Variants in HPSE2 observed in about 807,000 individuals in gnomAD.
HPSE2 encodes the protein inactive heparanase-2.
Under a neutral mutation model 60.5 loss-of-function variants are expected in HPSE2, and 38 were observed. The observed-to-expected ratio is 0.63, with a 90% confidence interval of 0.48 to 0.82. HPSE2 has a LOEUF of 0.82. Ranked by LOEUF, HPSE2 falls within the 40% of genes least tolerant of loss-of-function variation. The probability of loss-of-function intolerance (pLI) is 0.00; values close to 1 mark genes in which losing one functional copy is unlikely to be tolerated. For synonymous variants in HPSE2, 295 were observed against 293.2 expected (o/e 1.01, Z -0.06); for missense variants, 713 against 740.4 (o/e 0.96, Z 0.43).
At chr10:98,902,996 A>T (rs1953708424) in intron 3 of HPSE2, among the ~76,000 whole-genome samples, 2 of 152,176 alleles carry the variant, frequency 1.3e-5, no homozygotes, top group South Asian at 4.1e-4. Flanking sequence ...AGTATTATTC[A>T]TAATAGCTAA....
intron 2 of HPSE2, among the ~76,000 whole-genome samples, chr10:99,153,247 A>G (rs1846361767): frequency 6.6e-6 from 1 of 152,154 alleles, no homozygotes; most frequent in South Asian, 2.1e-4. Flanking sequence ...GGTGGAGCCC[A>G]CCACAGCTCA....
intron 2 of HPSE2, among the ~76,000 whole-genome samples, chr10:99,178,186 C>T (rs1589779917): frequency 6.6e-6 from 1 of 151,660 alleles, no homozygotes; most frequent in African/African-American, 2.4e-5. Flanking sequence ...AAAATCAACA[C>T]TGTAACATCA....
At chr10:98,813,717 T>C (rs549125374) in intron 3 of HPSE2, among the ~76,000 whole-genome samples, 2 of 152,336 alleles carry the variant, frequency 1.3e-5, no homozygotes, top group South Asian at 2.1e-4. Context: ...TTTTCCAGTA[T>C]GACAGTTCCC....
At chr10:99,042,836 A>G (rs927442533) in intron 3 of HPSE2, among the ~76,000 whole-genome samples, 1 of 152,178 alleles carries the variant, frequency 6.6e-6, no homozygotes, top group Non-Finnish European at 1.5e-5. Flanking sequence ...ACACTGCAAT[A>G]CAGAGCAGGG....
In HPSE2 at chr10:98,797,453, A is replaced by C. The variant is rs570372182; in HGVS notation, c.611-53397T>G. On this transcript the variant is annotated intron_variant, in intron 3 of 11. Transcript: ENST00000370552. ...ACAGTCAGAGGATACAAAAGAAAGA[A>C]AAGAATAAAACAGAATGAAGCATGC... 3.9e-5 allele frequency among the ~76,000 whole-genome samples: 6 copies of C among 152,294 alleles called. No individual in the cohort carries two copies. The East Asian group carries it at 1.2e-3, about 29-fold the overall frequency.
the HPSE2 span, among the ~76,000 whole-genome samples, chr10:99,277,578 T>C: frequency 6.6e-6 from 1 of 152,152 alleles, no homozygotes; most frequent in South Asian, 2.1e-4. Flanking sequence ...TGAGGGAACT[T>C]AAGATCCCCT....
chr10:98,767,846 T>A (rs1017648996), intron 3 of HPSE2, among the ~76,000 whole-genome samples: 3 of 146,626 alleles, frequency 2.0e-5, no homozygotes, highest in Non-Finnish European at 3.0e-5. Flanking sequence ...TAAACATTTA[T>A]ATCCTTGAAA....
intron 3 of HPSE2, among the ~76,000 whole-genome samples, chr10:98,823,638 A>G (rs1951474566): frequency 1.3e-5 from 2 of 152,270 alleles, no homozygotes; most frequent in South Asian, 4.1e-4. Flanking sequence ...AAAATAAATA[A>G]ATAGATAGAT....
intron 3 of HPSE2, among the ~76,000 whole-genome samples, chr10:98,774,443 C>G (rs1448688165): frequency 1.3e-5 from 2 of 152,172 alleles, no homozygotes; most frequent in Non-Finnish European, 2.9e-5. Context: ...CTTTCTCTCT[C>G]TTGCTTCTTG....
intron 3 of HPSE2, among the ~76,000 whole-genome samples, chr10:99,011,722 C>CTCCA (rs1417432902): frequency 6.9e-6 from 1 of 144,226 alleles, no homozygotes; most frequent in East Asian, 2.0e-4. Flanking sequence ...TGCCACTGCA[C>CTCCA]TCCAGCCTGG....
intron 3 of HPSE2, among the ~76,000 whole-genome samples, chr10:99,118,431 G>A (rs548816741): frequency 1.3e-5 from 2 of 149,468 alleles, no homozygotes; most frequent in South Asian, 2.2e-4. Flanking sequence ...GCTGAGGCAG[G>A]AGAATGGCAT....
At chr10:98,999,897 C>T (rs982867391) in intron 3 of HPSE2, among the ~76,000 whole-genome samples, 6 of 152,006 alleles carry the variant, frequency 3.9e-5, no homozygotes, top group Admixed American at 6.6e-5. Context: ...TTTTTGAATT[C>T]GCTTTTAAGA....
chr10:98,554,708 C>T (rs1405905582), intron 9 of HPSE2, among the ~76,000 whole-genome samples: 1 of 152,158 alleles, frequency 6.6e-6, no homozygotes. Context: ...ATTTTGAATT[C>T]TCTAAAATTA....
chr10:99,214,603 T>C (rs1479720347), intron 2 of HPSE2, among the ~76,000 whole-genome samples: 2 of 152,002 alleles, frequency 1.3e-5, no homozygotes, highest in Non-Finnish European at 2.9e-5. Context: ...GGGATCTAAT[T>C]AAGCTAAAGA....
intron 4 of HPSE2, among the ~76,000 whole-genome samples, chr10:98,729,309 T>A (rs1183917324): frequency 2.0e-5 from 3 of 152,090 alleles, no homozygotes; most frequent in East Asian, 1.9e-4. Context: ...AATTTTTTTT[T>A]AAAAGGTAGA....
intron 3 of HPSE2, among the ~76,000 whole-genome samples, chr10:98,868,731 T>A (rs1409614253): frequency 6.6e-6 from 1 of 152,192 alleles, no homozygotes; most frequent in African/African-American, 2.4e-5. Flanking sequence ...ACATTTAGCA[T>A]GATAATTCTC....
At chr10:99,034,570 T>C (rs527751550) in intron 3 of HPSE2, among the ~76,000 whole-genome samples, 7 of 152,286 alleles carry the variant, frequency 4.6e-5, no homozygotes, top group Non-Finnish European at 1.0e-4. Context: ...TATTACATGA[T>C]ACGTGTACAC....
intron 4 of HPSE2, among the ~76,000 whole-genome samples, chr10:98,730,595 A>G (rs1379648273): frequency 6.6e-6 from 1 of 152,152 alleles, no homozygotes; most frequent in African/African-American, 2.4e-5. Context: ...GAAAAAAGAG[A>G]GAGAGAAGTC....
At chr10:98,833,682 C>T (rs1951731918) in intron 3 of HPSE2, among the ~76,000 whole-genome samples, 1 of 152,156 alleles carries the variant, frequency 6.6e-6, no homozygotes, top group Non-Finnish European at 1.5e-5. Context: ...CTATGTTCGT[C>T]ACATCACCTT....
Sources: gnomAD v4.1 joint callset for allele counts (sites outside exome capture counted in the v4.1 genomes callset) on GRCh38, gnomAD v4.1.1 for gene constraint, MANE v1.5 for transcripts, NCBI Gene and HGNC (gene_info 2026-07-23, HGNC 2026-07-21) for gene names.